MAGI3: variants seen among roughly 807,000 people sequenced by gnomAD.
The protein encoded by MAGI3 is membrane associated guanylate kinase, WW and PDZ domain containing 3.
In MAGI3, 43 loss-of-function variants were observed where a neutral mutation model predicts 121.8. That is an observed-to-expected ratio of 0.35 (90% CI 0.28 to 0.46). MAGI3 has a LOEUF of 0.46. MAGI3 is among the 20% of genes least tolerant of loss of function. MAGI3 has a pLI of 1.00. For synonymous variants in MAGI3, 553 were observed against 639.3 expected (o/e 0.86, Z 2.04); for missense variants, 1,547 against 1,797.3 (o/e 0.86, Z 2.52).
At chr1:113,513,945 C>T (rs1275539210) in intron 1 of MAGI3, among the ~76,000 whole-genome samples, 1 of 150,370 alleles carries the variant, frequency 6.7e-6, no homozygotes, top group Non-Finnish European at 1.5e-5. Flanking sequence ...AAAAACAACC[C>T]CATCAAAAAG....
chr1:113,469,167 G>A (rs1468444784), intron 1 of MAGI3, among the ~76,000 whole-genome samples: 1 of 152,080 alleles, frequency 6.6e-6, no homozygotes, highest in Non-Finnish European at 1.5e-5. Context: ...GCATCTGTAA[G>A]CAAAATTCTA....
At chr1:113,587,517 T>G (rs972197546) in intron 4 of MAGI3, among the ~76,000 whole-genome samples, 2 of 152,172 alleles carry the variant, frequency 1.3e-5, no homozygotes, top group Non-Finnish European at 1.5e-5. Context: ...TTGGAATCCC[T>G]GCCTTGAAAA....
intron 2 of MAGI3, among the ~76,000 whole-genome samples, chr1:113,562,854 A>G (rs7536360): frequency 2.0e-5 from 3 of 152,070 alleles, no homozygotes; most frequent in African/African-American, 7.2e-5. Flanking sequence ...TGGAAAACAG[A>G]AAACTTTAGG....
intron 19 of MAGI3, among the ~76,000 whole-genome samples, chr1:113,674,203 C>A (rs1315723004): frequency 6.6e-6 from 1 of 152,000 alleles, no homozygotes; most frequent in African/African-American, 2.4e-5. Flanking sequence ...ACCAGCCTGA[C>A]CAACATGGAG....
chr1:113,391,567 GC>G lies in MAGI3; in HGVS notation c.316+219del, dbSNP rs1650820237. On this transcript the variant is annotated intron_variant, in intron 1 of 20. Transcript: ENST00000307546. The surrounding 1 kb of genome is among the most constrained non-coding windows in gnomAD (Gnocchi z 4.4). ...CTGGCTTGGCGCGGTTGCTCTGCTA[GC>G]TGTGCTAGCTGTCACAGAATTGCGA... is the stretch of plus-strand genomic sequence containing the variant. Among the ~76,000 whole-genome samples, 1 of 152,162 alleles carries G rather than the reference GC, an allele frequency of 6.6e-6. No homozygotes were observed. The highest frequency in any genetic ancestry group is 1.5e-5 in the Non-Finnish European group (1 of 68,024).
intron 5 of MAGI3, among the ~76,000 whole-genome samples, 164 bp from the exon 6 acceptor site, chr1:113,594,317 A>G (rs561266161): frequency 2.6e-5 from 4 of 152,346 alleles, no homozygotes; most frequent in Admixed American, 2.6e-4. Context: ...TTTGAAGTAG[A>G]CTGAGAACAA....
intron 6 of MAGI3, among the ~76,000 whole-genome samples, chr1:113,599,726 C>G (rs888193352): frequency 2.0e-5 from 3 of 151,434 alleles, no homozygotes; most frequent in African/African-American, 7.3e-5. Context: ...TTTTATGAGG[C>G]CAGCATCATC....
At position 113,641,047 on chromosome 1, in the gene MAGI3, A is replaced by G. The variant is rs1273603892; in HGVS notation, c.1361-864A>G. Among the ~76,000 whole-genome samples the G allele has an allele frequency of 6.6e-5, 8 of 121,464 alleles. 2 individuals are homozygous for G. The highest frequency in any genetic ancestry group is 1.3e-4 in the Non-Finnish European group (8 of 61,190). The allele number at this position is 121,464 out of a possible 152,430, so 79.7% of individuals were successfully genotyped here. ...AATATATATGATATATATAATATAT[A>G]TGATATATTATATATGATATATATA... On this transcript the variant is annotated intron_variant, in intron 9 of 20. Transcript: ENST00000307546.
intron 1 of MAGI3, among the ~76,000 whole-genome samples, chr1:113,496,185 G>C (rs913008109): frequency 4.6e-5 from 7 of 151,974 alleles, no homozygotes; most frequent in Admixed American, 3.9e-4. Context: ...CTTCATTGTT[G>C]AAAAATGAAC....
intron 1 of MAGI3, among the ~76,000 whole-genome samples, chr1:113,394,169 A>G (rs1396824598): frequency 6.6e-6 from 1 of 152,152 alleles, no homozygotes; most frequent in Admixed American, 6.5e-5. Context: ...TACTGTCTTT[A>G]GCTTTGATTT....
intron 1 of MAGI3, among the ~76,000 whole-genome samples, chr1:113,472,746 G>A (rs12122738): frequency 1.3e-5 from 2 of 150,700 alleles, no homozygotes; most frequent in Admixed American, 1.3e-4. Flanking sequence ...GTGTGTGTGT[G>A]TGTGTGTGTG....
intron 1 of MAGI3, among the ~76,000 whole-genome samples, chr1:113,400,232 A>G (rs1025719953): frequency 3.3e-5 from 5 of 152,254 alleles, no homozygotes; most frequent in Non-Finnish European, 7.4e-5. Context: ...GGTGCTCCAA[A>G]TAACATTTCA....
At chr1:113,504,933 A>G (rs1000871869) in intron 1 of MAGI3, among the ~76,000 whole-genome samples, 5 of 152,178 alleles carry the variant, frequency 3.3e-5, no homozygotes, top group African/African-American at 1.2e-4. Flanking sequence ...AGAAAGATAT[A>G]CAGAAGTATG....
At chr1:113,566,785 T>C (rs112967480) in intron 2 of MAGI3, among the ~76,000 whole-genome samples, 115 of 152,082 alleles carry the variant, frequency 7.6e-4, no homozygotes, top group African/African-American at 2.6e-3. Context: ...TGGAATATAG[T>C]AAAAGCAGTA....
At chr1:113,465,623 C>T (rs1203403253) in intron 1 of MAGI3, among the ~76,000 whole-genome samples, 1 of 152,072 alleles carries the variant, frequency 6.6e-6, no homozygotes, top group Non-Finnish European at 1.5e-5. Flanking sequence ...ATTAATTCTT[C>T]TAATCAATAA....
At chr1:113,530,862 G>A (rs1003850330) in intron 1 of MAGI3, among the ~76,000 whole-genome samples, 2 of 152,162 alleles carry the variant, frequency 1.3e-5, no homozygotes, top group African/African-American at 4.8e-5. Flanking sequence ...GCTGCCGTAA[G>A]CTGTGATTGT....
intron 1 of MAGI3, among the ~76,000 whole-genome samples, chr1:113,546,954 G>A (rs1659562006): frequency 6.6e-6 from 1 of 151,812 alleles, no homozygotes; most frequent in South Asian, 2.1e-4. Flanking sequence ...ATGGTGGCGG[G>A]CGCCTGTAGT....
intron 1 of MAGI3, among the ~76,000 whole-genome samples, chr1:113,486,498 T>G (rs1466627286): frequency 6.6e-6 from 1 of 152,198 alleles, no homozygotes; most frequent in Non-Finnish European, 1.5e-5. Flanking sequence ...GTTGAGTTCT[T>G]GATTTGATTC....
chr1:113,615,341 A>G (rs1288096946), intron 7 of MAGI3, among the ~76,000 whole-genome samples: 1 of 152,168 alleles, frequency 6.6e-6, no homozygotes, highest in African/African-American at 2.4e-5. Context: ...TAAACACTGA[A>G]TTTGACCTCA....
Sources: gnomAD v4.1 joint callset for allele counts (sites outside exome capture counted in the v4.1 genomes callset) on GRCh38, gnomAD v4.1.1 for gene constraint, Gnocchi (gnomAD v3.1) non-coding constraint, MANE v1.5 for transcripts, NCBI Gene and HGNC (gene_info 2026-07-23, HGNC 2026-07-21) for gene names.